TGFBR2: variants seen among roughly 807,000 people sequenced by gnomAD.
TGFBR2 encodes the protein TGF-beta receptor type-2.
In TGFBR2, 18 loss-of-function variants were observed where a neutral mutation model predicts 49.0. The ratio of observed to expected loss-of-function variants is 0.37; its 90% confidence interval spans 0.25 to 0.54. The LOEUF (loss-of-function observed/expected upper bound fraction) is 0.54. Among genes scored for constraint, TGFBR2 ranks in the 20% least tolerant of loss-of-function variants. The pLI, the probability that TGFBR2 is intolerant of heterozygous loss-of-function variation, is 0.85. For missense variants in TGFBR2, 525 were observed against 722.6 expected, an observed-to-expected ratio of 0.73 and a Z score of 3.13; for synonymous variants, 282 against 275.9, an observed-to-expected ratio of 1.02 and a Z score of -0.22.
chr3:30,684,553 T>C (rs1209143431), intron 5 of TGFBR2, among the ~76,000 whole-genome samples: 3 of 152,140 alleles, frequency 2.0e-5, no homozygotes, highest in Admixed American at 1.3e-4. Context: ...CCCAGACTTG[T>C]CTATTTTAAG....
rs186144889 is a variant in TGFBR2 at position 30,681,736 on chromosome 3, A to G, written c.1397-6648A>G. ...TTCAGCCCCGTCTGTCTGGCTTCAG[A>G]AACAGTCTGAGGGTGAGACAAAGAC... On this transcript the variant is annotated intron_variant, in intron 5 of 6. Coordinates refer to ENST00000295754, the MANE Select transcript of TGFBR2 (RefSeq NM_003242.6). Among the ~76,000 whole-genome samples, 128 of 152,296 alleles carry G rather than the reference A, an allele frequency of 8.4e-4. 1 individual carries two copies. In the South Asian group the frequency reaches 0.02, roughly 24 times the overall value.
intron 2 of TGFBR2, among the ~76,000 whole-genome samples, chr3:30,648,419 T>TACACACAC (rs35473576): frequency 0.059 from 6,772 of 115,508 alleles, 242 homozygotes; most frequent in Admixed American, 0.11. Flanking sequence ...AAAAACAACC[T>TACACACAC]ACACACACAC....
chr3:30,607,545 G>C (rs537036707), intron 1 of TGFBR2, among the ~76,000 whole-genome samples: 1 of 152,238 alleles, frequency 6.6e-6, no homozygotes, highest in Non-Finnish European at 1.5e-5. Context: ...AAGAAAGTTA[G>C]CTGGCTCCAC....
At chr3:30,650,879 T>C (rs1297088648) in intron 3 of TGFBR2, among the ~76,000 whole-genome samples, 2 of 152,178 alleles carry the variant, frequency 1.3e-5, no homozygotes, top group Non-Finnish European at 2.9e-5. Flanking sequence ...TTGGTAACTA[T>C]TGTTCTAAAG....
chr3:30,663,782 T>C (rs549887633), intron 3 of TGFBR2, among the ~76,000 whole-genome samples: 1 of 152,236 alleles, frequency 6.6e-6, no homozygotes, highest in East Asian at 1.9e-4. Flanking sequence ...GTTGATCTTA[T>C]AGTAATTCAC....
At chr3:30,662,057 G>GT in intron 3 of TGFBR2, among the ~76,000 whole-genome samples, 1 of 152,160 alleles carries the variant, frequency 6.6e-6, no homozygotes, top group Non-Finnish European at 1.5e-5. Flanking sequence ...TCCAGCAGGA[G>GT]TTTAATAGTT....
rs536916732 is a variant in TGFBR2 at position 30,613,627 on chromosome 3, C to T, written c.94+6650C>T. 2.0e-5 allele frequency among the ~76,000 whole-genome samples: 3 copies of T among 152,126 alleles called. No individual in the cohort carries two copies. In the East Asian group the frequency reaches 5.8e-4, roughly 29 times the overall value. Reference sequence around the variant, plus strand: ...CCCTCTTGATGTAGGATGGAGCAGGCAGGGGGGAGGAAGGCAAATTGATTA... The same window carrying T: ...CCCTCTTGATGTAGGATGGAGCAGGTAGGGGGGAGGAAGGCAAATTGATTA... On this transcript the variant is annotated intron_variant, in intron 1 of 6. Transcript: ENST00000295754.
chr3:30,690,515 C>T (rs939583130), intron 6 of TGFBR2, among the ~76,000 whole-genome samples: 1 of 152,168 alleles, frequency 6.6e-6, no homozygotes, highest in Non-Finnish European at 1.5e-5. Flanking sequence ...CAGAGGTCAT[C>T]CTTGGCAGCT....
chr3:30,650,145 G>T (rs1403864432), intron 2 of TGFBR2, 125 bp from the exon 3 acceptor site: 1 of 969,162 alleles, frequency 1.0e-6, no homozygotes, highest in Non-Finnish European at 1.6e-6. Context: ...AGCTGCCGTT[G>T]TTAGGAACAA....
At chr3:30,649,723 C>A (rs761062560) in intron 2 of TGFBR2, among the ~76,000 whole-genome samples, 7 of 151,978 alleles carry the variant, frequency 4.6e-5, no homozygotes, top group Non-Finnish European at 8.8e-5. Flanking sequence ...CAGCTGTTGA[C>A]AAGGAGTATA....
intron 3 of TGFBR2, among the ~76,000 whole-genome samples, chr3:30,665,348 T>C (rs1216551791): frequency 6.6e-6 from 1 of 152,222 alleles, no homozygotes. Context: ...GACAAAAATG[T>C]TGTAGAAGCA....
At chr3:30,628,293 A>G (rs552790611) in intron 1 of TGFBR2, among the ~76,000 whole-genome samples, 1 of 152,222 alleles carries the variant, frequency 6.6e-6, no homozygotes, top group East Asian at 1.9e-4. Flanking sequence ...AGCGGCCAAT[A>G]GAAATCTCCT....
At chr3:30,668,747 A>T (rs1434338385) in intron 3 of TGFBR2, among the ~76,000 whole-genome samples, 2 of 151,894 alleles carry the variant, frequency 1.3e-5, no homozygotes, top group African/African-American at 4.8e-5. Context: ...TTTAAAATGC[A>T]TTCATATATC....
In TGFBR2 at chr3:30,676,161, CA is replaced by C. The variant is rs1559468536; in HGVS notation, c.1396+1916del. Among the ~76,000 whole-genome samples, 1 of 152,212 alleles carries C rather than the reference CA, an allele frequency of 6.6e-6. No homozygotes were observed. Among genetic ancestry groups the C allele is most frequent in the Non-Finnish European group, 1.5e-5 (1 of 68,034 alleles). ...TGTGCCTATCTTCAGTGCGTCATAT[CA>C]GGGGGAATAAGATGTCCATGTGTCT... On this transcript the variant is annotated intron_variant, in intron 5 of 6. Transcript: ENST00000295754. This position sits in a 1 kb window ranked among gnomAD's most constrained non-coding sequence, Gnocchi z 4.3.
In TGFBR2 at chr3:30,650,456, A is replaced by G. The variant is rs752862539; in HGVS notation, c.450A>G (p.Ser150=). The G allele has an allele frequency of 9.3e-6, 15 of 1,613,796 alleles. No homozygotes were observed. The East Asian group carries it at 3.1e-4, about 34-fold the overall frequency. Residue 150 remains serine, a synonymous_variant, in exon 3 of 7, where the codon TCA becomes TCG. Transcript: ENST00000295754. The part of the protein sequence containing the change: ...SDECNDNIIF[S]EEYNTSNPDL... Reference sequence around the variant, plus strand: ...AGTGCAATGACAACATCATCTTCTCAGAAGGTGAGTTTTCTTCTCTTAAGG... The same window carrying G: ...AGTGCAATGACAACATCATCTTCTCGGAAGGTGAGTTTTCTTCTCTTAAGG...
intron 3 of TGFBR2, among the ~76,000 whole-genome samples, chr3:30,671,097 G>A (rs1385741171): frequency 6.6e-6 from 1 of 152,078 alleles, no homozygotes; most frequent in Non-Finnish European, 1.5e-5. Context: ...TTTTTTTCAT[G>A]TTCCCAATGT....
chr3:30,625,051 G>A (rs781760158), intron 1 of TGFBR2, among the ~76,000 whole-genome samples: 6 of 152,070 alleles, frequency 3.9e-5, no homozygotes, highest in Non-Finnish European at 7.4e-5. Context: ...GGATTCCATA[G>A]CAAGTCTTCT....
chr3:30,655,597 G>A (rs1698979208), intron 3 of TGFBR2, among the ~76,000 whole-genome samples: 1 of 152,172 alleles, frequency 6.6e-6, no homozygotes, highest in African/African-American at 2.4e-5. Flanking sequence ...AAGTGATTAG[G>A]GTAATCGCAG....
chr3:30,672,548 G>C lies in TGFBR2; in HGVS notation c.1254+111G>C, dbSNP rs370389313. ...AAACAGCCCTGTACTCTGGACACTGGTCTAGGGAATCTAGCCAAAGTATGG... is the reference window on the plus strand; with the variant it reads ...AAACAGCCCTGTACTCTGGACACTGCTCTAGGGAATCTAGCCAAAGTATGG... On this transcript the variant is annotated intron_variant, in intron 4 of 6. Transcript: ENST00000295754. The surrounding 1 kb of genome is among the most constrained non-coding windows in gnomAD (Gnocchi z 4.5). The C allele has an allele frequency of 3.7e-5, 46 of 1,244,906 alleles. 1 individual carries two copies. In the South Asian group the frequency reaches 5.1e-4, roughly 14 times the overall value. 77.1% of individuals were successfully genotyped at this position (1,244,906 alleles called of 1,614,324 possible). A position where few individuals can be genotyped will look rare whatever the true frequency, so the allele number is the denominator to read the frequency against.
Sources: gnomAD v4.1 joint callset for allele counts (sites outside exome capture counted in the v4.1 genomes callset) on GRCh38, gnomAD v4.1.1 for gene constraint, Gnocchi (gnomAD v3.1) non-coding constraint, MANE v1.5 for transcripts, NCBI Gene and HGNC (gene_info 2026-07-23, HGNC 2026-07-21) for gene names.